The following MED1 variants were observed in gnomAD, a reference collection of about 807,000 sequenced individuals.
MED1 encodes the protein mediator of RNA polymerase II transcription subunit 1.
MED1 carries 17 observed loss-of-function variants against 121.3 expected under a neutral mutation model. The observed-to-expected ratio is 0.14, with a 90% CI of 0.10 to 0.21. The LOEUF is 0.21. Among genes scored for constraint, MED1 ranks in the 10% least tolerant of loss-of-function variants. The pLI, the probability that MED1 is intolerant of heterozygous loss-of-function variation, is 1.00. For missense variants in MED1, 1,558 were observed against 1,919.4 expected (o/e 0.81, Z 3.52); for synonymous variants, 661 against 694.4 (o/e 0.95, Z 0.76).
In MED1 at chr17:39,429,702, TAAAAAA is replaced by T. The variant is rs757034804; in HGVS notation, c.649+1407_649+1412del. Among the ~76,000 whole-genome samples the T allele has an allele frequency of 4.3e-3, 210 of 48,966 alleles. 1 individual carries two copies. The highest frequency in any genetic ancestry group is 7.6e-3 in the Admixed American group (23 of 3,008). 32.1% of individuals were successfully genotyped at this position (48,966 alleles called of 152,430 possible). A position where few individuals can be genotyped will look rare whatever the true frequency, so the allele number is the denominator to read the frequency against. On this transcript the variant is annotated intron_variant, in intron 9 of 16. Transcript: ENST00000300651. Reference sequence around the variant, plus strand: ...CAGAGCAAGACTCTGCCTAAATGCCTAAAAAAAAAAAAAAAAAAAAAAAAAGGAAGA... The same window carrying T: ...CAGAGCAAGACTCTGCCTAAATGCCTAAAAAAAAAAAAAAAAAAAGGAAGA...
In MED1 at chr17:39,410,855, T is replaced by C. The variant is rs555916253; in HGVS notation, c.1500-134A>G. On this transcript the variant is annotated intron_variant, in intron 16 of 16. Transcript: ENST00000300651. The stretch of plus-strand genomic sequence containing the variant: ...AAATAATCTGTAAGACAAAAATAGT[T>C]CTATCAAATACCAGAGCTTTGGGTA... 3 of 1,293,382 alleles carry C rather than the reference T, an allele frequency of 2.3e-6. No individual in the cohort carries two copies. In the Admixed American group the frequency reaches 8.7e-5, roughly 38 times the overall value. 80.1% of individuals were successfully genotyped at this position (1,293,382 alleles called of 1,614,324 possible). A position where few individuals can be genotyped will look rare whatever the true frequency, so the allele number is the denominator to read the frequency against.
chr17:39,442,030 G>A (rs564733751), intron 3 of MED1, among the ~76,000 whole-genome samples: 1 of 150,450 alleles, frequency 6.6e-6, no homozygotes, highest in East Asian at 2.0e-4. Context: ...TTGAATCCGG[G>A]AAACGGAGGT....
chr17:39,425,374 G>A, intron 10 of MED1, among the ~76,000 whole-genome samples: 1 of 152,054 alleles, frequency 6.6e-6, no homozygotes, highest in East Asian at 1.9e-4. Flanking sequence ...TGTATGTTTT[G>A]TAGAGATGGG....
intron 5 of MED1, among the ~76,000 whole-genome samples, chr17:39,439,618 C>T (rs1372917085): frequency 3.3e-5 from 5 of 152,100 alleles, no homozygotes; most frequent in Admixed American, 3.3e-4. Flanking sequence ...ATTGTTCAAT[C>T]GTGGCTCATG....
intron 11 of MED1, among the ~76,000 whole-genome samples, chr17:39,424,245 C>G (rs1443534691): frequency 1.3e-5 from 2 of 152,180 alleles, no homozygotes; most frequent in Non-Finnish European, 2.9e-5. Context: ...CTCTCAAAAG[C>G]TCACTCTGTG....
chr17:39,430,603 G>C (rs11868133), intron 9 of MED1, among the ~76,000 whole-genome samples: 93,705 of 151,206 alleles, frequency 0.62, 32,142 homozygotes, highest in South Asian at 0.89. Context: ...TGAGGCAGGA[G>C]AATGGCGTGA....
chr17:39,410,482 A>C lies in MED1; in HGVS notation c.1739T>G (p.Met580Arg). The change falls in exon 17 of 17, where the codon ATG becomes AGG. Residue 580 changes from methionine (M) to arginine (R), a missense_variant. Met to Arg is a moderately conservative substitution (Grantham distance 91). Around this residue, in one of 5 missense-constraint regions of MED1, gnomAD observed 793 missense variants for 898.2 expected, o/e 0.88. Coordinates refer to ENST00000300651, the MANE Select transcript of MED1 (RefSeq NM_004774.4). ...CGACTCATGCCGATCTTTGATGCTC[A>C]TGCTCATATTAAACAAGGTGGTAAT... is the stretch of plus-strand genomic sequence containing the variant. The part of the protein sequence containing the change: ...GPITTLFNMS[M>R]SIKDRHESVG... 1 of 1,614,068 alleles carries C rather than the reference A, an allele frequency of 6.2e-7. No individual in the cohort carries two copies. Among genetic ancestry groups the C allele is most frequent in the Non-Finnish European group, 8.5e-7 (1 of 1,180,038 alleles).
intron 8 of MED1, 28 bp downstream of exon 8, chr17:39,431,914 T>A (rs1372376315): frequency 6.6e-7 from 1 of 1,506,408 alleles, no homozygotes; most frequent in African/African-American, 1.4e-5. Context: ...CAAGGGATCA[T>A]GTAGAATTAA....
intron 7 of MED1, among the ~76,000 whole-genome samples, chr17:39,432,342 CAAAAAAA>C (rs36069735): frequency 1.2e-5 from 1 of 81,022 alleles, no homozygotes; most frequent in Non-Finnish European, 2.2e-5. Flanking sequence ...GATTCCATCT[CAAAAAAA>C]AAAAAAAAAA....
rs2048329972 is a variant in MED1, at chr17:39,408,968, T to C, written c.3253A>G (p.Ser1085Gly). 1.2e-6 allele frequency: 2 copies of C among 1,614,110 alleles called. No individual in the cohort carries two copies. The highest frequency in any genetic ancestry group is 8.5e-7 in the Non-Finnish European group (1 of 1,180,056). The change falls in exon 17 of 17, where the codon AGC becomes GGC. Residue 1085 changes from serine to glycine, a missense_variant. Ser to Gly is a moderately conservative substitution (Grantham distance 56). Transcript: ENST00000300651. The surrounding 1 kb of genome is among the most constrained non-coding windows in gnomAD (Gnocchi z 4.7). ...CCTGAGGAAGACACAGAACCACTGC[T>C]GGTATACTGACTGTGAGAGGAAGGC... is the stretch of plus-strand genomic sequence containing the variant. ...GKPSSHSQYT[S>G]SGSVSSSGSK...
At chr17:39,425,564 G>A (rs2144741836) in intron 10 of MED1, among the ~76,000 whole-genome samples, 1 of 152,286 alleles carries the variant, frequency 6.6e-6, no homozygotes, top group Non-Finnish European at 1.5e-5. Context: ...AGCACTTTGG[G>A]AGGCTGAGGC....
At chr17:39,437,036 G>A (rs1295939512) in intron 6 of MED1, among the ~76,000 whole-genome samples, 4 of 151,780 alleles carry the variant, frequency 2.6e-5, no homozygotes, top group African/African-American at 4.8e-5. Flanking sequence ...GGGTTCAAGC[G>A]ATTCTCTTGC....
chr17:39,411,437 G>A (rs955288181), intron 16 of MED1, among the ~76,000 whole-genome samples: 8 of 149,836 alleles, frequency 5.3e-5, no homozygotes, highest in East Asian at 2.0e-4. Flanking sequence ...CCTGGCCAGC[G>A]GGGTGAAACC....
chr17:39,448,006 C>A (rs2048744577), intron 1 of MED1, 102 bp from the exon 2 acceptor site: 1 of 733,728 alleles, frequency 1.4e-6, no homozygotes, highest in Non-Finnish European at 2.2e-6. Flanking sequence ...AGTAAGAATT[C>A]AGTTAAAATA....
rs2048296968 is a variant in MED1, at chr17:39,405,615, G to C, written c.*1860C>G. 15 of 1,137,182 alleles carry C rather than the reference G, an allele frequency of 1.3e-5. No homozygotes were observed. The highest frequency in any genetic ancestry group is 1.6e-5 in the Non-Finnish European group (15 of 925,012). The allele number at this position is 1,137,182 out of a possible 1,614,324, so 70.4% of individuals were successfully genotyped here. A position where few individuals can be genotyped will look rare whatever the true frequency, so the allele number is the denominator to read the frequency against. On this transcript the variant is annotated 3_prime_UTR_variant, in exon 17 of 17. Transcript: ENST00000300651. ...GTATCACCTGCCCATATCCTCCTTAGTGTCACCCAAGACATTTGACTCTGA... is the reference window on the plus strand; with the variant it reads ...GTATCACCTGCCCATATCCTCCTTACTGTCACCCAAGACATTTGACTCTGA...
rs2048445261 is a variant in MED1, at chr17:39,419,904, C to T, written c.1110G>A (p.Gln370=). Residue 370 remains glutamine, a synonymous_variant, in exon 14 of 17, where the codon CAG becomes CAA. Transcript: ENST00000300651. ...NMRFYAALPG[Q]QHCYFLNKDA... ...CCTTGTTGAGGAAATAGCAGTGCTGCTGACCAGGAAGAGCCTGGGCAAAAA... is the reference window on the plus strand; with the variant it reads ...CCTTGTTGAGGAAATAGCAGTGCTGTTGACCAGGAAGAGCCTGGGCAAAAA... The T allele has an allele frequency of 6.2e-7, 1 of 1,613,836 alleles. No homozygotes were observed. Among genetic ancestry groups the T allele is most frequent in the Admixed American group, 1.7e-5 (1 of 59,968 alleles).
At chr17:39,420,255 A>C (rs1292395706) in intron 13 of MED1, among the ~76,000 whole-genome samples, 3 of 141,948 alleles carry the variant, frequency 2.1e-5, no homozygotes, top group Non-Finnish European at 4.5e-5. Flanking sequence ...GCTGGAGTGC[A>C]GTGGTGCGAT....
intron 14 of MED1, among the ~76,000 whole-genome samples, chr17:39,417,781 C>T (rs2048423760): frequency 1.3e-5 from 2 of 152,088 alleles, no homozygotes; most frequent in African/African-American, 4.8e-5. Flanking sequence ...GCTAGAACAG[C>T]CAAAATTTAC....
chr17:39,405,813 C>G lies in MED1; in HGVS notation c.*1662G>C. ...CCAAAGCTGATTTTCCAACTCTATG[C>G]TGACTCCAACCTGCAGAAAAAGCTG... On this transcript the variant is annotated 3_prime_UTR_variant, in exon 17 of 17. Transcript: ENST00000300651. 1.0e-6 allele frequency: 1 copy of G among 986,148 alleles called. No individual in the cohort carries two copies. The highest frequency in any genetic ancestry group is 1.2e-6 in the Non-Finnish European group (1 of 830,334). 61.1% of individuals were successfully genotyped at this position (986,148 alleles called of 1,614,324 possible). A position where few individuals can be genotyped will look rare whatever the true frequency, so the allele number is the denominator to read the frequency against.
Sources: allele counts gnomAD v4.1 joint callset (sites outside exome capture counted in the v4.1 genomes callset), GRCh38; gene constraint gnomAD v4.1.1; regional missense constraint gnomAD v4.1.1; non-coding constraint Gnocchi (gnomAD v3.1); transcripts MANE v1.5; gene names NCBI Gene and HGNC (gene_info 2026-07-23, HGNC 2026-07-21).